CPXM2: variants seen among roughly 807,000 people sequenced by gnomAD.
CPXM2 encodes the protein carboxypeptidase X, M14 family member 2.
A neutral mutation model predicts 86.1 loss-of-function variants in CPXM2; 66 were observed. The ratio of observed to expected loss-of-function variants is 0.77; its 90% CI spans 0.63 to 0.94. CPXM2 has a LOEUF of 0.94. Among genes scored for constraint, CPXM2 ranks in the 40% least tolerant of loss-of-function variants. The probability of loss-of-function intolerance (pLI) is 0.00; values close to 1 mark genes in which losing one functional copy is unlikely to be tolerated. For missense variants in CPXM2, 948 were observed against 1,026.3 expected, an observed-to-expected ratio of 0.92 and a Z score of 1.04; for synonymous variants, 388 against 400.2, an observed-to-expected ratio of 0.97 and a Z score of 0.36.
At chr10:123,801,545 G>A (rs1847459579) in intron 4 of CPXM2, among the ~76,000 whole-genome samples, 1 of 151,986 alleles carries the variant, frequency 6.6e-6, no homozygotes, top group East Asian at 1.9e-4. Context: ...CACCACCCCA[G>A]TTCACTCTCT....
chr10:123,767,216 C>T (rs1846500607), intron 9 of CPXM2, 64 bp from the exon 10 acceptor site: 2 of 1,435,648 alleles, frequency 1.4e-6, no homozygotes. Context: ...CTCTACCATA[C>T]AAGATGCATC....
intron 2 of CPXM2, among the ~76,000 whole-genome samples, chr10:123,905,298 GC>G (rs1263288103): frequency 6.6e-6 from 1 of 152,206 alleles, no homozygotes; most frequent in African/African-American, 2.4e-5. Flanking sequence ...CAGCTTGACT[GC>G]CCTGCTTGGA....
chr10:123,903,163 C>G (rs1033055794), intron 2 of CPXM2, among the ~76,000 whole-genome samples: 1 of 152,222 alleles, frequency 6.6e-6, no homozygotes, highest in African/African-American at 2.4e-5. Context: ...ATGACCTTGT[C>G]CTAGGCATAG....
At chr10:123,750,783 T>C (rs1846055463) in intron 13 of CPXM2, 1 of 985,346 alleles carries the variant, frequency 1.0e-6, no homozygotes, top group Non-Finnish European at 1.2e-6. Flanking sequence ...CCATGTCATC[T>C]CAAAGCTTCT....
chr10:123,831,930 T>C (rs981223203), intron 4 of CPXM2, among the ~76,000 whole-genome samples: 1 of 39,370 alleles, frequency 2.5e-5, no homozygotes, highest in African/African-American at 1.0e-4. Flanking sequence ...TGACATCCTG[T>C]GGGTGGAGGC....
rs747279699 is a variant in CPXM2 at position 123,757,314 on chromosome 10, C to T, written c.1816G>A (p.Glu606Lys). ...TCACAGCCCACGTAGATGGACAGTT[C>T]GAAGCAGTTTGTATGAAGGTAGCTG... Reference protein sequence around the residue: ...DFSYLHTNCFELSIYVGCDKY... With the variant: ...DFSYLHTNCFKLSIYVGCDKY... Residue 606 changes from glutamate (E) to lysine (K), a missense_variant, in exon 12 of 14, where the codon GAA (glutamate) becomes AAA (lysine). Physicochemically the swap from Glu to Lys is moderately conservative, Grantham distance 56. Coordinates refer to ENST00000241305, the MANE Select transcript of CPXM2 (RefSeq NM_198148.3). 1.3e-5 allele frequency: 21 copies of T among 1,613,762 alleles called. No homozygotes were observed. Among genetic ancestry groups the T allele is most frequent in the South Asian group, 9.9e-5 (9 of 91,056 alleles).
intron 2 of CPXM2, among the ~76,000 whole-genome samples, chr10:123,919,610 A>G (rs942508441): frequency 5.9e-5 from 9 of 152,254 alleles, no homozygotes; most frequent in African/African-American, 2.2e-4. Context: ...ACATACAAAT[A>G]GAATTTTTTT....
chr10:123,829,350 T>C (rs1180116098), intron 4 of CPXM2, among the ~76,000 whole-genome samples: 1 of 151,302 alleles, frequency 6.6e-6, no homozygotes, highest in Non-Finnish European at 1.5e-5. Context: ...AACAGACAAA[T>C]GTGTATAACC....
chr10:123,904,688 C>A (rs1945416365), intron 2 of CPXM2, among the ~76,000 whole-genome samples: 1 of 152,318 alleles, frequency 6.6e-6, no homozygotes, highest in Middle Eastern at 3.4e-3. Context: ...TGTCTCCAAA[C>A]TCCCTGTCAC....
At chr10:123,773,828 T>C (rs772803659) in intron 7 of CPXM2, among the ~76,000 whole-genome samples, 3 of 152,138 alleles carry the variant, frequency 2.0e-5, no homozygotes, top group Admixed American at 1.3e-4. Flanking sequence ...ATCACACTGA[T>C]AGCTGAGGTC....
chr10:123,810,366 T>C (rs1847664963), intron 4 of CPXM2, among the ~76,000 whole-genome samples: 1 of 151,924 alleles, frequency 6.6e-6, no homozygotes, highest in African/African-American at 2.4e-5. Context: ...AGCAAAAATA[T>C]ACAAGATTTT....
intron 7 of CPXM2, among the ~76,000 whole-genome samples, chr10:123,771,357 G>T (rs186660462): frequency 6.6e-6 from 1 of 152,160 alleles, no homozygotes; most frequent in East Asian, 1.9e-4. Flanking sequence ...TCCTCCAAAT[G>T]TTATGTCTCT....
chr10:123,834,468 T>C (rs1848237112), intron 4 of CPXM2, among the ~76,000 whole-genome samples: 1 of 152,142 alleles, frequency 6.6e-6, no homozygotes, highest in South Asian at 2.1e-4. Flanking sequence ...AGGCTGGGTT[T>C]TAAAAGGTGG....
At chr10:123,910,841 G>T (rs944121431) in intron 2 of CPXM2, among the ~76,000 whole-genome samples, 1 of 114,972 alleles carries the variant, frequency 8.7e-6, no homozygotes, top group Non-Finnish European at 2.1e-5. Context: ...ACCAGCTCTC[G>T]GGGAGGATCC....
intron 2 of CPXM2, among the ~76,000 whole-genome samples, chr10:123,864,015 T>C (rs1009167374): frequency 6.6e-6 from 1 of 152,124 alleles, no homozygotes; most frequent in Admixed American, 6.5e-5. Context: ...TTGGAGAGGC[T>C]TGACTCCAGG....
chr10:123,874,907 G>A (rs1378092515), intron 2 of CPXM2, among the ~76,000 whole-genome samples: 3 of 152,198 alleles, frequency 2.0e-5, no homozygotes, highest in Non-Finnish European at 4.4e-5. Context: ...GGGTGCTACC[G>A]AGCACATCAG....
chr10:123,923,867 C>A (rs1945600102), intron 2 of CPXM2, among the ~76,000 whole-genome samples: 1 of 152,176 alleles, frequency 6.6e-6, no homozygotes, highest in South Asian at 2.1e-4. Context: ...TGAGACATGC[C>A]TTTCACCTTC....
In CPXM2 at chr10:123,752,669, G is replaced by A. The variant is rs150042346; in HGVS notation, c.2017+1994C>T. ...TGCAGAGAAGGAGCCTCTCCTCCCT[G>A]TTCAAGAAAAATGGCATGGAAATAA... is the stretch of plus-strand genomic sequence containing the variant. On this transcript the variant is annotated intron_variant, in intron 13 of 13. Transcript: ENST00000241305. The A allele has an allele frequency of 2.2e-5, 21 of 970,578 alleles. No homozygotes were observed. The African/African-American group carries it at 3.3e-4, about 15-fold the overall frequency. 60.1% of individuals were successfully genotyped at this position (970,578 alleles called of 1,614,324 possible).
chr10:123,770,088 A>C (rs1314260431), intron 8 of CPXM2, among the ~76,000 whole-genome samples: 1 of 152,200 alleles, frequency 6.6e-6, no homozygotes, highest in Non-Finnish European at 1.5e-5. Context: ...AGCCTGACCA[A>C]CATGGAGAAA....
Sources: gnomAD v4.1 joint callset for allele counts (sites outside exome capture counted in the v4.1 genomes callset) on GRCh38, gnomAD v4.1.1 for gene constraint, MANE v1.5 for transcripts, NCBI Gene and HGNC (gene_info 2026-07-23, HGNC 2026-07-21) for gene names.